NLGN1: variants seen among roughly 807,000 people sequenced by gnomAD.
NLGN1 encodes neuroligin-1.
A neutral mutation model predicts 65.5 loss-of-function variants in NLGN1; 12 were observed. The observed-to-expected ratio is 0.18, with a 90% confidence interval of 0.12 to 0.30. The LOEUF (loss-of-function observed/expected upper bound fraction) is 0.30, where lower values mean the gene tolerates loss of function less well. Ranked by LOEUF, NLGN1 falls within the 10% of genes least tolerant of loss-of-function variation. NLGN1 has a pLI of 1.00. For synonymous variants in NLGN1, 350 were observed against 359.5 expected, an observed-to-expected ratio of 0.97 and a Z score of 0.30; for missense variants, 750 against 1,007.1, an observed-to-expected ratio of 0.74 and a Z score of 3.46.
Position 173,736,920 on chromosome 3 carries a change from TC to T in NLGN1, c.494-70759del, listed in dbSNP as rs371293618. 3.3e-3 allele frequency among the ~76,000 whole-genome samples: 499 copies of T among 152,194 alleles called. 4 individuals carry two copies. The highest frequency in any genetic ancestry group is 0.011 in the African/African-American group (468 of 41,566). ...ATGAGCAATATTGGTGCAGATAGTT[TC>T]AAAATGTAGCTGAGATTTTAATGGT... On this transcript the variant is annotated intron_variant, in intron 3 of 6. Transcript: ENST00000457714.
At chr3:173,410,982 G>A (rs1311378485) in intron 1 of NLGN1, among the ~76,000 whole-genome samples, 1 of 152,190 alleles carries the variant, frequency 6.6e-6, no homozygotes, top group African/African-American at 2.4e-5. Flanking sequence ...TAATTCTGTT[G>A]TTGACTCAGA....
At chr3:173,744,418 A>G (rs180981902) in intron 3 of NLGN1, among the ~76,000 whole-genome samples, 2 of 152,260 alleles carry the variant, frequency 1.3e-5, no homozygotes, top group East Asian at 3.9e-4. Context: ...TTTCCTAGTG[A>G]GGAAAACTAT....
intron 3 of NLGN1, among the ~76,000 whole-genome samples, chr3:173,652,018 T>G (rs1469841686): frequency 6.6e-6 from 1 of 152,204 alleles, no homozygotes; most frequent in Non-Finnish European, 1.5e-5. Context: ...GGTTTCAAAC[T>G]CCTGACATCA....
chr3:174,222,701 C>T (rs1028823444), intron 4 of NLGN1, among the ~76,000 whole-genome samples: 2 of 152,092 alleles, frequency 1.3e-5, no homozygotes, highest in Admixed American at 1.3e-4. Context: ...TTTCTTTTCT[C>T]TGAGTTTGCA....
At chr3:173,812,617 G>A (rs556470864) in intron 4 of NLGN1, among the ~76,000 whole-genome samples, 6 of 151,648 alleles carry the variant, frequency 4.0e-5, no homozygotes, top group Admixed American at 3.9e-4. Flanking sequence ...TGTATTCCGG[G>A]CTACCCAGGA....
intron 2 of NLGN1, among the ~76,000 whole-genome samples, chr3:173,475,473 C>G (rs899284849): frequency 1.1e-4 from 17 of 152,020 alleles, no homozygotes; most frequent in African/African-American, 3.9e-4. Flanking sequence ...TTTTTATTTC[C>G]AAATCTTAAA....
At chr3:173,622,658 T>C (rs1754188231) in intron 3 of NLGN1, among the ~76,000 whole-genome samples, 1 of 152,012 alleles carries the variant, frequency 6.6e-6, no homozygotes, top group Admixed American at 6.6e-5. Flanking sequence ...AAGATGATTA[T>C]GCTGATGCCA....
chr3:173,530,856 G>C (rs1400810258), intron 2 of NLGN1, among the ~76,000 whole-genome samples: 1 of 151,790 alleles, frequency 6.6e-6, no homozygotes, highest in Non-Finnish European at 1.5e-5. Context: ...AATGCTCTTT[G>C]CTTTAGTTAA....
chr3:173,801,320 T>A (rs183334320), intron 3 of NLGN1, among the ~76,000 whole-genome samples: 79 of 152,132 alleles, frequency 5.2e-4, no homozygotes, highest in African/African-American at 1.6e-3. Flanking sequence ...GGATTAAAGT[T>A]TATGCTTTTT....
chr3:173,509,754 G>A (rs1207846356), intron 2 of NLGN1, among the ~76,000 whole-genome samples: 1 of 152,136 alleles, frequency 6.6e-6, no homozygotes, highest in African/African-American at 2.4e-5. Context: ...AACATGCTTA[G>A]ATTAATTTGG....
intron 2 of NLGN1, among the ~76,000 whole-genome samples, chr3:173,516,406 T>C (rs189527933): frequency 2.6e-5 from 4 of 152,164 alleles, no homozygotes; most frequent in East Asian, 1.9e-4. Flanking sequence ...TTCCAGGTGA[T>C]AAAAACAGAA....
chr3:174,208,950 G>T (rs771637603), intron 4 of NLGN1, among the ~76,000 whole-genome samples: 21 of 152,008 alleles, frequency 1.4e-4, no homozygotes, highest in Admixed American at 2.0e-4. Flanking sequence ...TTTAGACAGG[G>T]TCTGGTTCTG....
intron 4 of NLGN1, among the ~76,000 whole-genome samples, chr3:173,870,401 T>G (rs1730952587): frequency 1.3e-5 from 2 of 152,146 alleles, no homozygotes; most frequent in Admixed American, 1.3e-4. Context: ...CTTGCTCAGT[T>G]TGAGGCAGCC....
chr3:174,062,443 C>T (rs1457456162), intron 4 of NLGN1, among the ~76,000 whole-genome samples: 3 of 151,986 alleles, frequency 2.0e-5, no homozygotes, highest in East Asian at 1.9e-4. Flanking sequence ...TGGAGTTAAT[C>T]TTTTATTGCT....
intron 4 of NLGN1, among the ~76,000 whole-genome samples, chr3:173,905,047 C>T (rs2152198452): frequency 6.6e-6 from 1 of 152,160 alleles, no homozygotes; most frequent in South Asian, 2.1e-4. Context: ...GGTTTTAAAC[C>T]TCCGTGGCTC....
chr3:173,598,558 G>A (rs563121068), intron 2 of NLGN1, among the ~76,000 whole-genome samples: 10 of 152,090 alleles, frequency 6.6e-5, no homozygotes, highest in African/African-American at 9.6e-5. Context: ...ATGGCTTTTC[G>A]TCATCTAGAG....
chr3:173,954,726 A>G (rs1032642802), intron 4 of NLGN1, among the ~76,000 whole-genome samples: 3 of 152,134 alleles, frequency 2.0e-5, no homozygotes, highest in Non-Finnish European at 4.4e-5. Context: ...GGACAAACTG[A>G]AACCAAGGTT....
At chr3:173,944,918 G>A (rs546337990) in intron 4 of NLGN1, among the ~76,000 whole-genome samples, 16 of 152,196 alleles carry the variant, frequency 1.1e-4, no homozygotes, top group African/African-American at 3.9e-4. Context: ...AATTGTATTT[G>A]TTCTGTCTGG....
intron 3 of NLGN1, among the ~76,000 whole-genome samples, chr3:173,657,761 A>AGAAGGAAGAGGGAAGGAAGGTAG (rs1760282412): frequency 6.6e-6 from 1 of 151,952 alleles, no homozygotes; most frequent in African/African-American, 2.4e-5. Context: ...GATGGAAGAA[A>AGAAGGAAGAGGGAAGGAAGGTAG]GAAGGAAGAG....
Sources: allele counts gnomAD v4.1 joint callset (sites outside exome capture counted in the v4.1 genomes callset), GRCh38; gene constraint gnomAD v4.1.1; transcripts MANE v1.5; gene names NCBI Gene and HGNC (gene_info 2026-07-23, HGNC 2026-07-21).